The following PRSS3 variants were observed in gnomAD, a reference collection of about 807,000 sequenced individuals.
PRSS3 encodes serine protease 3.
A neutral mutation model predicts 20.8 loss-of-function variants in PRSS3; 14 were observed. The observed-to-expected ratio is 0.67, with a 90% confidence interval of 0.44 to 1.05. The LOEUF (loss-of-function observed/expected upper bound fraction) is 1.05, where lower values mean the gene tolerates loss of function less well. Among genes scored for constraint, PRSS3 ranks in the 50% least tolerant of loss-of-function variants. PRSS3 has a pLI of 0.00. For synonymous variants in PRSS3, 91 were observed against 117.6 expected (o/e 0.77, Z 1.46); for missense variants, 237 against 306.4 (o/e 0.77, Z 1.69).
chr9:33,777,578 C>T (rs1249227518), intron 1 of PRSS3, among the ~76,000 whole-genome samples: 2 of 147,284 alleles, frequency 1.4e-5, no homozygotes, highest in Non-Finnish European at 3.0e-5. Flanking sequence ...TGGTGGGTAC[C>T]TGTAGTCCCA....
At chr9:33,780,914 A>G (rs1587387426) in intron 1 of PRSS3, among the ~76,000 whole-genome samples, 1 of 152,356 alleles carries the variant, frequency 6.6e-6, no homozygotes, top group East Asian at 1.9e-4. Flanking sequence ...GAAAAGATTT[A>G]GACAACCAGA....
chr9:33,753,762 T>C (rs1822802565), intron 1 of PRSS3, among the ~76,000 whole-genome samples: 1 of 152,218 alleles, frequency 6.6e-6, no homozygotes. Flanking sequence ...AAGTATGACA[T>C]GTCATTAGAA....
chr9:33,792,874 C>T (rs1320757120), upstream of PRSS3, among the ~76,000 whole-genome samples: 1 of 151,588 alleles, frequency 6.6e-6, no homozygotes, highest in African/African-American at 2.4e-5. Context: ...GCACTCAGTA[C>T]AAGCCAGAAA....
rs1824243372 is a variant in PRSS3, at chr9:33,782,970, A to C, written c.-52-11776A>C. Among the ~76,000 whole-genome samples, 2 of 152,246 alleles carry C rather than the reference A, an allele frequency of 1.3e-5. 1 individual carries two copies. Among genetic ancestry groups the C allele is most frequent in the South Asian group, 4.1e-4 (2 of 4,834 alleles). On this transcript the variant is annotated intron_variant, in intron 1 of 5. Coordinates refer to the PRSS3 transcript ENST00000342836. ...ATTGCGAAAACCTGGAGACATCTTG[A>C]ACGTCCATCTACAGGAAGTGGCTAA...
At chr9:33,798,425 G>A (rs1433145817) in intron 3 of PRSS3, 61 bp from the exon 4 acceptor site, 4 of 1,600,222 alleles carry the variant, frequency 2.5e-6, no homozygotes, top group East Asian at 2.2e-5. Flanking sequence ...CCAGATTATT[G>A]TCTCCTTCTC....
At chr9:33,795,914 G>A (rs796565004) in intron 1 of PRSS3, among the ~76,000 whole-genome samples, 1 of 126,116 alleles carries the variant, frequency 7.9e-6, no homozygotes, top group Non-Finnish European at 1.7e-5. Flanking sequence ...TTGGCTCCAA[G>A]AGCACCAGTA....
intron 1 of PRSS3, among the ~76,000 whole-genome samples, chr9:33,754,231 C>T (rs184609584): frequency 2.9e-4 from 44 of 152,014 alleles, no homozygotes; most frequent in African/African-American, 9.9e-4. Context: ...ACCACCACGC[C>T]CAGCTAATTT....
At chr9:33,758,462 A>G (rs555643011) in intron 1 of PRSS3, among the ~76,000 whole-genome samples, 282 of 152,338 alleles carry the variant, frequency 1.9e-3, no homozygotes, top group African/African-American at 5.5e-3. Flanking sequence ...AGCACTAACA[A>G]TAGAATCTAA....
intron 1 of PRSS3, among the ~76,000 whole-genome samples, chr9:33,785,063 C>T (rs1824332454): frequency 6.7e-6 from 1 of 150,286 alleles, no homozygotes; most frequent in African/African-American, 2.5e-5. Context: ...TGCTCAAAAA[C>T]TTAGCTCTAC....
At chr9:33,798,818 G>C (rs1825172393) in intron 4 of PRSS3, 196 bp downstream of exon 4, 1 of 1,086,198 alleles carries the variant, frequency 9.2e-7, no homozygotes, top group Non-Finnish European at 1.3e-6. Flanking sequence ...CGGGGCTGAG[G>C]AGGCTCCCTG....
chr9:33,753,297 A>G (rs1822781406), intron 1 of PRSS3, among the ~76,000 whole-genome samples: 1 of 152,162 alleles, frequency 6.6e-6, no homozygotes, highest in Non-Finnish European at 1.5e-5. Flanking sequence ...AATATCTTAG[A>G]GCTGGGTATA....
chr9:33,797,893 A>G lies in PRSS3; in HGVS notation c.265A>G (p.Asn89Asp). The stretch of plus-strand genomic sequence containing the variant: ...CCTGGAGGGGAATGAGCAGTTCATC[A>G]ATGCGGCCAAGATCATCCGCCACCC... ...KVLEGNEQFI[N>D]AAKIIRHPKY... The change falls in exon 3 of 5, where the codon AAT becomes GAT. Residue 89 changes from asparagine to aspartate, a missense_variant. Coordinates refer to ENST00000379405, the MANE Select transcript of PRSS3 (RefSeq NM_002771.4). 6.2e-7 allele frequency: 1 copy of G among 1,610,582 alleles called. No individual in the cohort carries two copies. Among genetic ancestry groups the G allele is most frequent in the Non-Finnish European group, 8.5e-7 (1 of 1,178,888 alleles).
chr9:33,782,647 T>C (rs1023850113), intron 1 of PRSS3, among the ~76,000 whole-genome samples: 2 of 151,984 alleles, frequency 1.3e-5, no homozygotes, highest in African/African-American at 4.8e-5. Context: ...AAATAGAAAA[T>C]ACACATTAAA....
intron 1 of PRSS3, among the ~76,000 whole-genome samples, chr9:33,771,628 T>TGTTTTTTG (rs1563960265): frequency 3.1e-5 from 4 of 128,580 alleles, no homozygotes; most frequent in African/African-American, 6.0e-5. Flanking sequence ...CACTGGGTTT[T>TGTTTTTTG]GTTTTTTTGT....
At chr9:33,771,873 CTTTTTTT>C (rs74178902) in intron 1 of PRSS3, among the ~76,000 whole-genome samples, 11 of 128,298 alleles carry the variant, frequency 8.6e-5, no homozygotes, top group Non-Finnish European at 1.5e-4. Flanking sequence ...TCTTTCTTTT[CTTTTTTT>C]TTTTTTTTTG....
upstream of PRSS3, chr9:33,795,007 A>C (rs569103470): frequency 6.6e-4 from 858 of 1,300,524 alleles, 2 homozygotes; most frequent in East Asian, 5.6e-3. Context: ...CTTACCCCTT[A>C]GTGTTGGAAT....
At chr9:33,770,597 C>A (rs574569214) in intron 1 of PRSS3, among the ~76,000 whole-genome samples, 99 of 152,232 alleles carry the variant, frequency 6.5e-4, no homozygotes, top group South Asian at 4.4e-3. Flanking sequence ...GAGATAAGAT[C>A]TTTAAAGAAG....
At chr9:33,766,737 G>A (rs1187566034) in intron 1 of PRSS3, among the ~76,000 whole-genome samples, 1 of 152,060 alleles carries the variant, frequency 6.6e-6, no homozygotes, top group Admixed American at 6.6e-5. Context: ...GACGGAAAGC[G>A]TATTACTGAT....
intron 1 of PRSS3, among the ~76,000 whole-genome samples, chr9:33,774,164 T>A (rs1823822734): frequency 6.6e-6 from 1 of 152,232 alleles, no homozygotes; most frequent in African/African-American, 2.4e-5. Context: ...GTCCAAATTT[T>A]TATTGTTCTA....
Sources: allele counts gnomAD v4.1 joint callset (sites outside exome capture counted in the v4.1 genomes callset), GRCh38; gene constraint gnomAD v4.1.1; transcripts MANE v1.5; gene names NCBI Gene and HGNC (gene_info 2026-07-23, HGNC 2026-07-21).